The following ATP8A1 variants were observed in gnomAD, a reference collection of about 807,000 sequenced individuals.
ATP8A1 encodes ATPase phospholipid transporting 8A1.
In ATP8A1, 90 loss-of-function variants were observed where a neutral mutation model predicts 177.7. That is an observed-to-expected ratio of 0.51 (90% CI 0.43 to 0.60). The LOEUF is 0.60. Ranked by LOEUF, ATP8A1 falls within the 20% of genes least tolerant of loss-of-function variation. The pLI, the probability that ATP8A1 is intolerant of heterozygous loss-of-function variation, is 0.00. For missense variants in ATP8A1, 1,072 were observed against 1,392.8 expected (o/e 0.77, Z 3.67); for synonymous variants, 493 against 485.9 (o/e 1.01, Z -0.19).
At chr4:42,485,058 G>A (rs1722056036) in intron 25 of ATP8A1, among the ~76,000 whole-genome samples, 1 of 152,048 alleles carries the variant, frequency 6.6e-6, no homozygotes, top group African/African-American at 2.4e-5. Context: ...TAAATTAGAG[G>A]GCAAAGGAAT....
At chr4:42,436,417 G>A (rs1237940519) in intron 33 of ATP8A1, among the ~76,000 whole-genome samples, 1 of 152,260 alleles carries the variant, frequency 6.6e-6, no homozygotes, top group African/African-American at 2.4e-5. Context: ...TCACTGTAAA[G>A]TGTATGCAGA....
Position 42,657,034 on chromosome 4 carries a change from C to A in ATP8A1, c.-161G>T, listed in dbSNP as rs992124768. ...GCTGCCGCCGGGCGCGGCCCCCGCACGCCGACAGGAGGAGGAGAAAGGCAG... is the reference window on the plus strand; with the variant it reads ...GCTGCCGCCGGGCGCGGCCCCCGCAAGCCGACAGGAGGAGGAGAAAGGCAG... On this transcript the variant is annotated 5_prime_UTR_variant, in exon 1 of 37. Coordinates refer to ENST00000381668, the MANE Select transcript of ATP8A1 (RefSeq NM_006095.2). 2.7e-5 allele frequency: 18 copies of A among 656,234 alleles called. No individual in the cohort carries two copies. The highest frequency in any genetic ancestry group is 1.9e-5 in the African/African-American group (1 of 52,856). The allele number at this position is 656,234 out of a possible 1,614,324, so 40.7% of individuals were successfully genotyped here.
At chr4:42,447,669 A>G (rs978675487) in intron 30 of ATP8A1, among the ~76,000 whole-genome samples, 7 of 152,224 alleles carry the variant, frequency 4.6e-5, no homozygotes, top group Non-Finnish European at 1.0e-4. Context: ...TTCAGAGTCA[A>G]ATATGTAAGG....
At chr4:42,515,070 C>T (rs193103114) in intron 22 of ATP8A1, among the ~76,000 whole-genome samples, 1 of 152,026 alleles carries the variant, frequency 6.6e-6, no homozygotes, top group Admixed American at 6.6e-5. Flanking sequence ...TCTTGCTTAC[C>T]CCAATGGATC....
chr4:42,635,782 C>CACACATATATATATATAT (rs1553920597), intron 1 of ATP8A1, among the ~76,000 whole-genome samples: 1 of 51,990 alleles, frequency 1.9e-5, no homozygotes, highest in African/African-American at 6.2e-5. Context: ...CACACACACA[C>CACACATATATATATATAT]ATATATATAT....
At chr4:42,590,986 T>C in intron 6 of ATP8A1, 102 bp from the exon 7 acceptor site, 1 of 1,045,474 alleles carries the variant, frequency 9.6e-7, no homozygotes, top group Non-Finnish European at 1.4e-6. Flanking sequence ...TTCGAAATTA[T>C]TATAGAAAAT....
chr4:42,571,267 T>G (rs1390650204), intron 14 of ATP8A1, among the ~76,000 whole-genome samples: 2 of 152,204 alleles, frequency 1.3e-5, no homozygotes, highest in East Asian at 3.8e-4. Flanking sequence ...TCAAGTAAAG[T>G]TATTCACACA....
At chr4:42,537,241 G>T (rs1265347526) in intron 20 of ATP8A1, among the ~76,000 whole-genome samples, 2 of 151,360 alleles carry the variant, frequency 1.3e-5, no homozygotes, top group Non-Finnish European at 2.9e-5. Context: ...AAAACCCTCA[G>T]CAATATTGAC....
At chr4:42,445,844 C>G (rs1234585674) in intron 31 of ATP8A1, among the ~76,000 whole-genome samples, 13 of 152,094 alleles carry the variant, frequency 8.5e-5, no homozygotes, top group African/African-American at 2.4e-4. Flanking sequence ...CTTTGGGAGG[C>G]TGAGGTGGGT....
intron 30 of ATP8A1, among the ~76,000 whole-genome samples, chr4:42,446,890 A>C (rs950572325): frequency 6.6e-6 from 1 of 152,160 alleles, no homozygotes; most frequent in Non-Finnish European, 1.5e-5. Context: ...CAGAGTCCAC[A>C]AGATTAAAAA....
chr4:42,642,866 C>T (rs796745529), intron 1 of ATP8A1, among the ~76,000 whole-genome samples: 4 of 152,286 alleles, frequency 2.6e-5, no homozygotes, highest in African/African-American at 9.6e-5. Context: ...TAAGAAAACT[C>T]CACGAAGACT....
intron 32 of ATP8A1, 76 bp downstream of exon 32, chr4:42,444,502 G>A: frequency 1.4e-6 from 2 of 1,407,186 alleles, no homozygotes; most frequent in South Asian, 1.2e-5. Flanking sequence ...AAGTTAGAGT[G>A]AAGACCACCA....
At chr4:42,447,887 A>G (rs1717459561) in intron 30 of ATP8A1, among the ~76,000 whole-genome samples, 2 of 152,162 alleles carry the variant, frequency 1.3e-5, no homozygotes, top group Non-Finnish European at 2.9e-5. Flanking sequence ...TTCTGTATGT[A>G]AATCACCAAG....
At chr4:42,633,920 A>C (rs970635250) in intron 1 of ATP8A1, among the ~76,000 whole-genome samples, 1 of 152,214 alleles carries the variant, frequency 6.6e-6, no homozygotes, top group South Asian at 2.1e-4. Context: ...GGGGAATAGC[A>C]GGAAAAGCCC....
intron 1 of ATP8A1, among the ~76,000 whole-genome samples, chr4:42,633,625 G>A (rs1177933502): frequency 6.6e-6 from 1 of 152,182 alleles, no homozygotes; most frequent in Non-Finnish European, 1.5e-5. Flanking sequence ...AGAAGTCTCT[G>A]TGCTTAAGTT....
chr4:42,444,804 T>C (rs10004341), intron 31 of ATP8A1, among the ~76,000 whole-genome samples, 170 bp from the exon 32 acceptor site: 149,010 of 152,260 alleles, frequency 0.98, 72,985 homozygotes, highest in East Asian at 1. Context: ...GCTGGGCAGC[T>C]GACGGGACTG....
intron 25 of ATP8A1, among the ~76,000 whole-genome samples, chr4:42,477,228 A>G (rs1721163723): frequency 6.6e-6 from 1 of 152,248 alleles, no homozygotes; most frequent in Non-Finnish European, 1.5e-5. Context: ...AGAAAGGTAA[A>G]TACTCCTGTG....
chr4:42,486,101 C>T (rs1722171740), intron 24 of ATP8A1, among the ~76,000 whole-genome samples: 1 of 152,150 alleles, frequency 6.6e-6, no homozygotes, highest in African/African-American at 2.4e-5. Context: ...CACGAGAGTA[C>T]ACTGAACAAA....
chr4:42,552,507 G>A lies in ATP8A1; in HGVS notation c.1517C>T (p.Pro506Leu), dbSNP rs1729606462. The change falls in exon 17 of 37, where the codon CCA (proline) becomes CTA (leucine). Residue 506 changes from proline (P) to leucine (L), a missense_variant and splice_region_variant. By Grantham distance (98) the Pro-to-Leu change is moderately conservative. This residue lies in a region of ATP8A1 where 388 missense variants were observed against 471.7 expected (regional missense o/e 0.82). Transcript: ENST00000381668. ...GDKIIYQAASPDEGALVRAAK... is the reference protein window; with the variant it reads ...GDKIIYQAASLDEGALVRAAK... ...CTTTACAATTGCTTCATTTGTACCT[G>A]GAGATGCTGCTTGATAAATAATCTT... 6.2e-7 allele frequency: 1 copy of A among 1,604,030 alleles called. No individual in the cohort carries two copies. The highest frequency in any genetic ancestry group is 1.3e-5 in the African/African-American group (1 of 74,574).
Sources: gnomAD v4.1 joint callset for allele counts (sites outside exome capture counted in the v4.1 genomes callset) on GRCh38, gnomAD v4.1.1 for gene constraint, gnomAD v4.1.1 regional missense constraint, MANE v1.5 for transcripts, NCBI Gene and HGNC (gene_info 2026-07-23, HGNC 2026-07-21) for gene names.